SHISA9: variants seen among roughly 807,000 people sequenced by gnomAD.
SHISA9 encodes shisa family member 9, also known as protein shisa-9.
SHISA9 carries 13 observed loss-of-function variants against 38.0 expected under a neutral mutation model. That is an observed-to-expected ratio of 0.34 (90% CI 0.22 to 0.54). The LOEUF is 0.54. SHISA9 is among the 20% of genes least tolerant of loss of function. The pLI is 0.91. For missense variants in SHISA9, 538 were observed against 575.8 expected (o/e 0.93, Z 0.67); for synonymous variants, 275 against 242.0 (o/e 1.14, Z -1.27).
chr16:13,352,341 T>G, the SHISA9 span, among the ~76,000 whole-genome samples: 1 of 152,198 alleles, frequency 6.6e-6, no homozygotes, highest in South Asian at 2.1e-4. Context: ...TGACATTAAA[T>G]GAAAAGGCAG....
the SHISA9 span, among the ~76,000 whole-genome samples, chr16:13,416,791 G>GGAAGGAAGGAAGGAA: frequency 2.1e-3 from 152 of 73,010 alleles, no homozygotes; most frequent in Non-Finnish European, 3.0e-3. Context: ...AAGGAAGGAA[G>GGAAGGAAGGAAGGAA]GGAAGGAAGG....
chr16:13,285,921 T>G, the SHISA9 span, among the ~76,000 whole-genome samples: 8 of 152,272 alleles, frequency 5.3e-5, no homozygotes, highest in African/African-American at 1.9e-4. Context: ...TTCTACCATT[T>G]TAGTCATGTG....
chr16:13,026,152 A>G (rs148042444), intron 2 of SHISA9, among the ~76,000 whole-genome samples: 2,740 of 152,326 alleles, frequency 0.018, 35 homozygotes, highest in Non-Finnish European at 0.03. Context: ...TATAGGGACA[A>G]TGCTGTGTGG....
At chr16:13,469,487 G>A in the SHISA9 span, among the ~76,000 whole-genome samples, 1 of 152,098 alleles carries the variant, frequency 6.6e-6, no homozygotes, top group African/African-American at 2.4e-5. Context: ...GATATGTGGG[G>A]TGGGCACAAC....
the SHISA9 span, among the ~76,000 whole-genome samples, chr16:13,516,146 C>A: frequency 6.6e-6 from 1 of 152,192 alleles, no homozygotes; most frequent in African/African-American, 2.4e-5. Context: ...CCAAGCTGAT[C>A]TTCAACCCAG....
At chr16:13,090,146 A>G (rs1161305132) in intron 2 of SHISA9, among the ~76,000 whole-genome samples, 2 of 152,166 alleles carry the variant, frequency 1.3e-5, no homozygotes, top group East Asian at 1.9e-4. Flanking sequence ...TTCTAATTTG[A>G]TTGCACTGTG....
At chr16:13,410,877 T>A in the SHISA9 span, among the ~76,000 whole-genome samples, 4 of 152,204 alleles carry the variant, frequency 2.6e-5, no homozygotes, top group East Asian at 7.7e-4. Flanking sequence ...GATTTGTATG[T>A]AACTGACAAT....
chr16:13,012,982 G>T (rs919197868), intron 2 of SHISA9, among the ~76,000 whole-genome samples: 2 of 152,200 alleles, frequency 1.3e-5, no homozygotes, highest in Non-Finnish European at 2.9e-5. Flanking sequence ...GGAGGGAGGG[G>T]CGTGGAGGGA....
the SHISA9 span, among the ~76,000 whole-genome samples, chr16:13,369,739 G>A: frequency 6.6e-6 from 1 of 152,152 alleles, no homozygotes; most frequent in East Asian, 1.9e-4. Context: ...TGAGCCTCAT[G>A]TTGGGGGATG....
intron 2 of SHISA9, among the ~76,000 whole-genome samples, chr16:12,983,993 T>A (rs137915173): frequency 5.6e-4 from 86 of 152,332 alleles, no homozygotes; most frequent in African/African-American, 2.0e-3. Flanking sequence ...CCCATTCTAC[T>A]TGGCTGTTGG....
chr16:12,932,216 G>A (rs1352997745), intron 2 of SHISA9, among the ~76,000 whole-genome samples: 1 of 152,150 alleles, frequency 6.6e-6, no homozygotes, highest in African/African-American at 2.4e-5. Flanking sequence ...TTAGCAGCAT[G>A]AGAACAGACT....
In SHISA9 at chr16:13,219,226, G is replaced by A. The variant is rs114899557; in HGVS notation, c.895+5926G>A. On this transcript the variant is annotated intron_variant, in intron 4 of 4. Coordinates refer to ENST00000558583, the MANE Select transcript of SHISA9 (RefSeq NM_001145204.3). ...GACTAGTTTGGCCGTGTGTCCTTCC[G>A]AGGCTAACCCAGCCAGATCCTGTTC... is the stretch of plus-strand genomic sequence containing the variant. 3.3e-3 allele frequency among the ~76,000 whole-genome samples: 508 copies of A among 152,296 alleles called. 5 individuals are homozygous for A. The highest frequency in any genetic ancestry group is 0.011 in the African/African-American group (471 of 41,564).
At chr16:13,409,908 A>G in the SHISA9 span, among the ~76,000 whole-genome samples, 1 of 152,264 alleles carries the variant, frequency 6.6e-6, no homozygotes, top group Non-Finnish European at 1.5e-5. Context: ...TAAACTTTGC[A>G]GTAAATACAT....
chr16:13,068,458 G>A (rs895363749), intron 2 of SHISA9, among the ~76,000 whole-genome samples: 8 of 152,174 alleles, frequency 5.3e-5, no homozygotes, highest in African/African-American at 1.9e-4. Flanking sequence ...CCTTCACTAG[G>A]GGACATTGGG....
chr16:12,995,542 A>G (rs2072447657), intron 2 of SHISA9, among the ~76,000 whole-genome samples: 1 of 152,196 alleles, frequency 6.6e-6, no homozygotes, highest in Non-Finnish European at 1.5e-5. Flanking sequence ...GGGATGTCTT[A>G]AACGCAAATG....
At chr16:13,561,186 C>T in the SHISA9 span, among the ~76,000 whole-genome samples, 1 of 152,070 alleles carries the variant, frequency 6.6e-6, no homozygotes, top group South Asian at 2.1e-4. Context: ...TTTTGAATAT[C>T]ATATGTACAC....
At chr16:13,443,257 A>C in the SHISA9 span, among the ~76,000 whole-genome samples, 3 of 152,234 alleles carry the variant, frequency 2.0e-5, no homozygotes, top group Admixed American at 2.0e-4. Flanking sequence ...GGACCAGGGA[A>C]ATGAAGAAAT....
chr16:13,429,933 T>A, the SHISA9 span, among the ~76,000 whole-genome samples: 1 of 152,184 alleles, frequency 6.6e-6, no homozygotes, highest in Non-Finnish European at 1.5e-5. Flanking sequence ...AGAATGTGAC[T>A]ATATTAGGAG....
chr16:13,025,939 G>T (rs967554187), intron 2 of SHISA9, among the ~76,000 whole-genome samples: 5 of 151,992 alleles, frequency 3.3e-5, no homozygotes, highest in African/African-American at 1.2e-4. Context: ...CTGAGTAGCT[G>T]GGATTACAGG....
Sources: gnomAD v4.1 joint callset for allele counts (sites outside exome capture counted in the v4.1 genomes callset) on GRCh38, gnomAD v4.1.1 for gene constraint, MANE v1.5 for transcripts, NCBI Gene and HGNC (gene_info 2026-07-23, HGNC 2026-07-21) for gene names.